MICOS10: variants seen among roughly 807,000 people sequenced by gnomAD.
MICOS10 encodes the protein mitochondrial contact site and cristae organizing system subunit 10.
A neutral mutation model predicts 13.4 loss-of-function variants in MICOS10; 5 were observed. The ratio of observed to expected loss-of-function variants is 0.37; its 90% CI spans 0.20 to 0.78. The LOEUF (loss-of-function observed/expected upper bound fraction) is 0.78, where lower values mean the gene tolerates loss of function less well. Ranked by LOEUF, MICOS10 falls within the 30% of genes least tolerant of loss-of-function variation. The pLI, the probability that MICOS10 is intolerant of heterozygous loss-of-function variation, is 0.47. For synonymous variants in MICOS10, 35 were observed against 33.6 expected, an observed-to-expected ratio of 1.04 and a Z score of -0.15; for missense variants, 101 against 94.6, an observed-to-expected ratio of 1.07 and a Z score of -0.28.
intron 1 of MICOS10, among the ~76,000 whole-genome samples, chr1:19,609,911 G>A (rs1168961803): frequency 4.6e-5 from 7 of 152,182 alleles, no homozygotes; most frequent in African/African-American, 1.4e-4. Flanking sequence ...TTGGGTAGCC[G>A]AGGTGGGCAG....
intron 1 of MICOS10, chr1:19,608,271 T>C: frequency 7.3e-7 from 1 of 1,364,814 alleles, no homozygotes. Context: ...AAACAAACCA[T>C]CTGCCGTGTG....
intron 3 of MICOS10, among the ~76,000 whole-genome samples, chr1:19,624,418 C>T (rs1447592060): frequency 6.6e-6 from 1 of 152,050 alleles, no homozygotes; most frequent in Non-Finnish European, 1.5e-5. Context: ...TCCCGAGTAG[C>T]TGGGATTACA....
intron 1 of MICOS10, among the ~76,000 whole-genome samples, chr1:19,609,894 C>T (rs1183739880): frequency 6.6e-6 from 1 of 152,192 alleles, no homozygotes; most frequent in African/African-American, 2.4e-5. Context: ...CCTGTAATCC[C>T]AGCACTTTGG....
rs375947898 is a variant in MICOS10 at position 19,605,262 on chromosome 1, T to A, written c.64+8153T>A. 5.9e-5 allele frequency among the ~76,000 whole-genome samples: 9 copies of A among 152,184 alleles called. 1 individual carries two copies. Among genetic ancestry groups the A allele is most frequent in the East Asian group, 5.8e-4 (3 of 5,200 alleles). On this transcript the variant is annotated intron_variant, in intron 1 of 3. Transcript: ENST00000322753. Reference sequence around the variant, plus strand: ...AGTTGTGGAGATTTTTTAAACTACTTTGTTGAGATATATTTCATGGCATAC... The same window carrying A: ...AGTTGTGGAGATTTTTTAAACTACTATGTTGAGATATATTTCATGGCATAC...
In MICOS10 at chr1:19,611,469, A is replaced by ATTTTTTTTTTTT. The variant is rs768118529; in HGVS notation, c.65-10620_65-10609dup. Among the ~76,000 whole-genome samples the ATTTTTTTTTTTT allele has an allele frequency of 7.5e-4, 68 of 90,306 alleles. 9 individuals are homozygous for ATTTTTTTTTTTT. Among genetic ancestry groups the ATTTTTTTTTTTT allele is most frequent in the African/African-American group, 3.4e-3 (65 of 19,312 alleles). 59.2% of individuals were successfully genotyped at this position (90,306 alleles called of 152,430 possible). A position where few individuals can be genotyped will look rare whatever the true frequency, so the allele number is the denominator to read the frequency against. On this transcript the variant is annotated intron_variant, in intron 1 of 3. Transcript: ENST00000322753. The stretch of plus-strand genomic sequence containing the variant: ...TTCTCTTTATTCCAGTTGCAACTTG[A>ATTTTTTTTTTTT]TTTTTTTTTTTTTTTTTTTTTTGAG...
At chr1:19,609,822 G>GA (rs1193887427) in intron 1 of MICOS10, among the ~76,000 whole-genome samples, 1 of 152,084 alleles carries the variant, frequency 6.6e-6, no homozygotes, top group Admixed American at 6.6e-5. Context: ...GGAAAGGGGG[G>GA]AAAAACAGAA....
chr1:19,600,988 T>G lies in MICOS10; in HGVS notation c.64+3879T>G, dbSNP rs564547176. The G allele has an allele frequency of 2.0e-5, 26 of 1,289,320 alleles. No homozygotes were observed. The Admixed American group carries it at 3.2e-4, about 16-fold the overall frequency. The allele number at this position is 1,289,320 out of a possible 1,614,324, so 79.9% of individuals were successfully genotyped here. A position where few individuals can be genotyped will look rare whatever the true frequency, so the allele number is the denominator to read the frequency against. On this transcript the variant is annotated intron_variant, in intron 1 of 3. Coordinates refer to ENST00000322753, the MANE Select transcript of MICOS10 (RefSeq NM_001032363.4). ...GCAACTTCTGTGAGTCCTTCTCTGT[T>G]TGGTTGTCTTATACCTAAAGTGTTT...
chr1:19,615,308 A>G (rs958240191), intron 1 of MICOS10, among the ~76,000 whole-genome samples: 4 of 152,198 alleles, frequency 2.6e-5, no homozygotes, highest in Admixed American at 2.6e-4. Context: ...AAGGTGAACC[A>G]CAGTTACTAT....
intron 1 of MICOS10, among the ~76,000 whole-genome samples, chr1:19,607,165 C>A (rs2094838321): frequency 6.6e-6 from 1 of 152,176 alleles, no homozygotes; most frequent in South Asian, 2.1e-4. Flanking sequence ...ATTGGGTAGC[C>A]ACATTTTGTT....
At chr1:19,625,339 C>T (rs917224762) in intron 3 of MICOS10, 1 of 1,275,350 alleles carries the variant, frequency 7.8e-7, no homozygotes, top group East Asian at 5.6e-5. Flanking sequence ...CCACAAGGGC[C>T]ACCAAATCCA....
chr1:19,620,130 C>T (rs1017076722), intron 1 of MICOS10, among the ~76,000 whole-genome samples: 1 of 152,182 alleles, frequency 6.6e-6, no homozygotes, highest in Non-Finnish European at 1.5e-5. Context: ...GCTTGTCATG[C>T]AACAGCAACA....
intron 1 of MICOS10, among the ~76,000 whole-genome samples, chr1:19,612,836 C>G (rs72959458): frequency 3.9e-5 from 6 of 151,986 alleles, no homozygotes; most frequent in Admixed American, 3.9e-4. Context: ...ATGCTGACTT[C>G]GGATATCATC....
chr1:19,616,499 T>A (rs2094885036), intron 1 of MICOS10, among the ~76,000 whole-genome samples: 1 of 152,230 alleles, frequency 6.6e-6, no homozygotes, highest in Non-Finnish European at 1.5e-5. Flanking sequence ...ATTTTCTGGC[T>A]TGATTTGTTG....
intron 3 of MICOS10, among the ~76,000 whole-genome samples, chr1:19,625,813 C>A (rs992077804): frequency 1.1e-4 from 16 of 152,128 alleles, no homozygotes; most frequent in African/African-American, 3.6e-4. Context: ...GGACTTGAGT[C>A]TGTGCCTCGA....
intron 1 of MICOS10, chr1:19,608,372 G>C: frequency 7.9e-7 from 1 of 1,260,808 alleles, no homozygotes; most frequent in East Asian, 2.3e-5. Context: ...GAGGTGCAAG[G>C]AGCTGGGTAT....
intron 1 of MICOS10, among the ~76,000 whole-genome samples, chr1:19,619,448 A>G (rs1360679088): frequency 6.6e-6 from 1 of 152,240 alleles, no homozygotes; most frequent in Non-Finnish European, 1.5e-5. Context: ...GTAATGGACA[A>G]CAACATACAT....
At chr1:19,625,658 G>T in intron 3 of MICOS10, 2 of 1,276,314 alleles carry the variant, frequency 1.6e-6, no homozygotes, top group Non-Finnish European at 2.0e-6. Context: ...CATTTCCATT[G>T]TTCCAAACTG....
At chr1:19,602,890 G>A (rs912442690) in intron 1 of MICOS10, among the ~76,000 whole-genome samples, 2 of 152,044 alleles carry the variant, frequency 1.3e-5, no homozygotes, top group African/African-American at 4.8e-5. Flanking sequence ...CCTCAGCTTG[G>A]GCTTGTCACC....
At chr1:19,608,510 AC>A (rs1257383160) in intron 1 of MICOS10, 2 of 1,108,248 alleles carry the variant, frequency 1.8e-6, no homozygotes, top group Admixed American at 1.7e-5. Context: ...TGAGGACGTC[AC>A]CCCCATCCCC....
Sources: allele counts gnomAD v4.1 joint callset (sites outside exome capture counted in the v4.1 genomes callset), GRCh38; gene constraint gnomAD v4.1.1; transcripts MANE v1.5; gene names NCBI Gene and HGNC (gene_info 2026-07-23, HGNC 2026-07-21).